RAB20: variants seen among roughly 807,000 people sequenced by gnomAD.
The protein encoded by RAB20 is RAB20, member RAS oncogene family, also known as ras-related protein Rab-20.
RAB20 carries 2 observed loss-of-function variants against 3.7 expected under a neutral mutation model. The ratio of observed to expected loss-of-function variants is 0.54; its 90% CI spans 0.22 to 1.69. The LOEUF is 1.69. Among genes scored for constraint, RAB20 ranks in the 40% most tolerant of loss-of-function variants. The pLI is 0.19. For missense variants in RAB20, 276 were observed against 311.9 expected, an observed-to-expected ratio of 0.88 and a Z score of 0.87; for synonymous variants, 126 against 130.8, an observed-to-expected ratio of 0.96 and a Z score of 0.25.
intron 1 of RAB20, among the ~76,000 whole-genome samples, chr13:110,551,918 CAAA>C (rs3074410): frequency 7.9e-4 from 80 of 100,956 alleles, no homozygotes; most frequent in Admixed American, 1.0e-3. Context: ...CCTGTCTCTA[CAAA>C]AAAAAAAAAA....
intron 1 of RAB20, among the ~76,000 whole-genome samples, chr13:110,549,810 G>C (rs894163019): frequency 6.6e-6 from 1 of 151,682 alleles, no homozygotes; most frequent in African/African-American, 2.4e-5. Context: ...AACCTCTGCC[G>C]CCTCCTGGGT....
chr13:110,527,940 C>CACACAT (rs2139574054), intron 1 of RAB20, among the ~76,000 whole-genome samples: 1 of 123,408 alleles, frequency 8.1e-6, no homozygotes, highest in Non-Finnish European at 1.7e-5. Flanking sequence ...CACACACACA[C>CACACAT]ACATACACTT....
At chr13:110,547,208 C>G (rs9515252) in intron 1 of RAB20, among the ~76,000 whole-genome samples, 36,101 of 152,164 alleles carry the variant, frequency 0.24, 4,610 homozygotes, top group East Asian at 0.37. Context: ...ACTAGAGCAG[C>G]CAAGGTCAGG....
intron 1 of RAB20, among the ~76,000 whole-genome samples, chr13:110,545,751 G>A (rs1884839513): frequency 6.6e-6 from 1 of 152,124 alleles, no homozygotes; most frequent in Admixed American, 6.5e-5. Flanking sequence ...CCCTCAAAAA[G>A]AAGGAAATAC....
intron 1 of RAB20, among the ~76,000 whole-genome samples, chr13:110,545,326 T>C (rs1189691759): frequency 6.6e-6 from 1 of 152,240 alleles, no homozygotes; most frequent in East Asian, 1.9e-4. Context: ...ACGCCTACTA[T>C]GTACTCATAA....
intron 1 of RAB20, among the ~76,000 whole-genome samples, chr13:110,548,865 T>C (rs2139586999): frequency 6.6e-6 from 1 of 151,882 alleles, no homozygotes; most frequent in East Asian, 1.9e-4. Context: ...GCCGGAACAA[T>C]GGACAATGCC....
At chr13:110,544,676 GC>G (rs1884821051) in intron 1 of RAB20, among the ~76,000 whole-genome samples, 1 of 152,238 alleles carries the variant, frequency 6.6e-6, no homozygotes, top group Non-Finnish European at 1.5e-5. Flanking sequence ...GAATACTGGA[GC>G]CTGTGGAGGG....
At position 110,561,483 on chromosome 13, in the gene RAB20, C is replaced by A. The variant is rs762733212; in HGVS notation, c.37G>T (p.Asp13Tyr). ...KPDSKIVLLG[D>Y]MNVGKTSLLQ... is the part of the protein sequence containing the mutation. ...AGCGACGTCTTCCCCACGTTCATGT[C>A]CCCCAGGAGCACGATCTTGCTGTCG... is the stretch of plus-strand genomic sequence containing the variant. Residue 13 changes from aspartate (D) to tyrosine (Y), a missense_variant, in exon 1 of 2, where the codon GAC (aspartate) becomes TAC (tyrosine). Asp to Tyr is a radical substitution (Grantham distance 160). Coordinates refer to ENST00000267328, the MANE Select transcript of RAB20 (RefSeq NM_017817.3). 9 of 1,593,978 alleles carry A rather than the reference C, an allele frequency of 5.6e-6. No individual in the cohort carries two copies. The highest frequency in any genetic ancestry group is 3.3e-5 in the South Asian group (3 of 89,800).
At chr13:110,524,581 G>T (rs1200076719) in intron 1 of RAB20, among the ~76,000 whole-genome samples, 1 of 152,210 alleles carries the variant, frequency 6.6e-6, no homozygotes, top group Non-Finnish European at 1.5e-5. Context: ...GACTGCCAAG[G>T]CCCTTGCTGA....
At chr13:110,541,358 A>G (rs1331895797) in intron 1 of RAB20, among the ~76,000 whole-genome samples, 1 of 152,204 alleles carries the variant, frequency 6.6e-6, no homozygotes, top group Non-Finnish European at 1.5e-5. Context: ...CAACTGCTGT[A>G]GAAAAGTGCC....
Position 110,524,008 on chromosome 13 carries a change from C to A in RAB20, c.362G>T (p.Gly121Val), listed in dbSNP as rs148925949. The change falls in exon 2 of 2, where the codon GGG (glycine) becomes GTG (valine). Residue 121 changes from glycine (G) to valine (V), a missense_variant. Transcript: ENST00000267328. Reference protein sequence around the residue: ...VGNKVDLTEEGALAGQEKEEC... With the variant: ...VGNKVDLTEEVALAGQEKEEC... ...TTCCTTCTCCTGGCCCGCCAAGGCCCCCTCCTCAGTGAGGTCCACTTTGTT... is the reference window on the plus strand; with the variant it reads ...TTCCTTCTCCTGGCCCGCCAAGGCCACCTCCTCAGTGAGGTCCACTTTGTT... 6.2e-7 allele frequency: 1 copy of A among 1,614,164 alleles called. No homozygotes were observed. The highest frequency in any genetic ancestry group is 8.5e-7 in the Non-Finnish European group (1 of 1,180,030).
chr13:110,530,401 G>C (rs1251349944), intron 1 of RAB20, among the ~76,000 whole-genome samples: 1 of 83,192 alleles, frequency 1.2e-5, no homozygotes, highest in African/African-American at 6.1e-5. Flanking sequence ...CGGGGAGGCA[G>C]GTCCCACCCG....
chr13:110,537,743 T>C (rs991213564), intron 1 of RAB20, among the ~76,000 whole-genome samples: 4 of 152,014 alleles, frequency 2.6e-5, no homozygotes, highest in African/African-American at 9.7e-5. Flanking sequence ...GCCCTCACTA[T>C]GTGCAGGCAT....
chr13:110,542,579 G>T (rs555707838), intron 1 of RAB20, among the ~76,000 whole-genome samples: 1 of 152,126 alleles, frequency 6.6e-6, no homozygotes, highest in Non-Finnish European at 1.5e-5. Flanking sequence ...GAGACTATGT[G>T]GTATTTGTCT....
At chr13:110,543,078 T>A (rs1001398485) in intron 1 of RAB20, among the ~76,000 whole-genome samples, 1 of 152,198 alleles carries the variant, frequency 6.6e-6, no homozygotes, top group South Asian at 2.1e-4. Flanking sequence ...CTGTTGGCCA[T>A]TTGTATGTCT....
chr13:110,527,947 A>T (rs1024321935), intron 1 of RAB20, among the ~76,000 whole-genome samples: 1 of 146,222 alleles, frequency 6.8e-6, no homozygotes, highest in African/African-American at 2.6e-5. Flanking sequence ...ACACACATAC[A>T]CTTTAATTAG....
intron 1 of RAB20, among the ~76,000 whole-genome samples, chr13:110,547,169 C>A (rs920438361): frequency 6.6e-6 from 1 of 152,210 alleles, no homozygotes; most frequent in Admixed American, 6.5e-5. Context: ...GCGGTCTACA[C>A]GGCGCCTCCT....
At chr13:110,556,935 G>A (rs142198872) in intron 1 of RAB20, among the ~76,000 whole-genome samples, 184 of 152,348 alleles carry the variant, frequency 1.2e-3, no homozygotes, top group African/African-American at 4.4e-3. Context: ...TATGGAAGTG[G>A]CTTTAGAACT....
chr13:110,549,091 G>A (rs1884903302), intron 1 of RAB20, among the ~76,000 whole-genome samples: 1 of 152,226 alleles, frequency 6.6e-6, no homozygotes, highest in Non-Finnish European at 1.5e-5. Flanking sequence ...AGCTATTTCA[G>A]AGGCTTAAGA....
Sources: gnomAD v4.1 joint callset for allele counts (sites outside exome capture counted in the v4.1 genomes callset) on GRCh38, gnomAD v4.1.1 for gene constraint, MANE v1.5 for transcripts, NCBI Gene and HGNC (gene_info 2026-07-23, HGNC 2026-07-21) for gene names.